ARHGEF16: variants seen among roughly 807,000 people sequenced by gnomAD.
ARHGEF16 encodes Rho guanine exchange factor (GEF) 16.
A neutral mutation model predicts 74.1 loss-of-function variants in ARHGEF16; 59 were observed. The ratio of observed to expected loss-of-function variants is 0.80; its 90% confidence interval spans 0.65 to 0.99. ARHGEF16 has a LOEUF of 0.99. ARHGEF16 is among the 50% of genes least tolerant of loss of function. The probability of loss-of-function intolerance (pLI) is 0.00; values close to 1 mark genes in which losing one functional copy is unlikely to be tolerated. For synonymous variants in ARHGEF16, 415 were observed against 412.6 expected, an observed-to-expected ratio of 1.01 and a Z score of -0.07; for missense variants, 948 against 986.6, an observed-to-expected ratio of 0.96 and a Z score of 0.52.
intron 1 of ARHGEF16, among the ~76,000 whole-genome samples, chr1:3,458,067 G>C (rs1318482609): frequency 6.6e-6 from 1 of 152,204 alleles, no homozygotes; most frequent in African/African-American, 2.4e-5. Flanking sequence ...CGGAACACCA[G>C]GGCCTCTCTG....
At chr1:3,478,308 G>T in intron 11 of ARHGEF16, 116 bp from the exon 12 acceptor site, 1 of 1,194,894 alleles carries the variant, frequency 8.4e-7, no homozygotes, top group Non-Finnish European at 1.2e-6. Flanking sequence ...CTTGGAGCCC[G>T]TCCGTGGCTG....
At position 3,468,581 on chromosome 1, in the gene ARHGEF16, C is replaced by T. The variant is rs1639613505; in HGVS notation, c.805-299C>T. On this transcript the variant is annotated intron_variant, in intron 4 of 14. Transcript: ENST00000378378. ...CCATCTGCCGGGAAGATCTGTGGGACAAGATCCCCCCCCGCCCTCTGGCCT... is the reference window on the plus strand; with the variant it reads ...CCATCTGCCGGGAAGATCTGTGGGATAAGATCCCCCCCCGCCCTCTGGCCT... The T allele has an allele frequency of 9.2e-6, 4 of 435,038 alleles. No homozygotes were observed. The South Asian group carries it at 9.3e-5, about 10-fold the overall frequency. The allele number at this position is 435,038 out of a possible 1,614,324, so 26.9% of individuals were successfully genotyped here.
At chr1:3,465,949 C>T (rs1447691022) in intron 2 of ARHGEF16, 199 bp from the exon 3 acceptor site, 10 of 601,534 alleles carry the variant, frequency 1.7e-5, no homozygotes, top group East Asian at 6.0e-5. Context: ...CCCTCAGTCA[C>T]GTGTCCTGCC....
chr1:3,461,009 G>A (rs953319071), intron 1 of ARHGEF16, among the ~76,000 whole-genome samples: 9 of 152,172 alleles, frequency 5.9e-5, no homozygotes, highest in Non-Finnish European at 4.4e-5. Context: ...TTGTGTGGCT[G>A]ACTGTAGGCA....
At position 3,469,417 on chromosome 1, in the gene ARHGEF16, A is replaced by T; in HGVS notation, c.862-16A>T. The T allele has an allele frequency of 6.2e-7, 1 of 1,612,440 alleles. No homozygotes were observed. The highest frequency in any genetic ancestry group is 8.5e-7 in the Non-Finnish European group (1 of 1,179,730). On this transcript the variant is annotated splice_polypyrimidine_tract_variant and intron_variant, in intron 5 of 14. Coordinates refer to ENST00000378378, the MANE Select transcript of ARHGEF16 (RefSeq NM_014448.4). ...TCCAGCGTCACTGTGGGGCTCACCT[A>T]GGCCCCTCTCCACAGGCCATGTTCG... is the stretch of plus-strand genomic sequence containing the variant.
rs531066135 is a variant in ARHGEF16, at chr1:3,480,165, G to GC, written c.1990+255dup. Among the ~76,000 whole-genome samples the GC allele has an allele frequency of 3.3e-5, 5 of 152,318 alleles. No individual in the cohort carries two copies. In the East Asian group the frequency reaches 7.7e-4, roughly 24 times the overall value. On this transcript the variant is annotated intron_variant, in intron 14 of 14. Coordinates refer to ENST00000378378, the MANE Select transcript of ARHGEF16 (RefSeq NM_014448.4). ...TCCCAGGGGATCCCCGCTCAGCCAG[G>GC]CCCAGCACGAGCCTGCAGAGGGCAG...
At chr1:3,455,497 C>T (rs1367890755) in intron 1 of ARHGEF16, among the ~76,000 whole-genome samples, 1 of 152,090 alleles carries the variant, frequency 6.6e-6, no homozygotes, top group African/African-American at 2.4e-5. Context: ...CAGCCTCTTT[C>T]TGCGTCTGTG....
chr1:3,476,948 G>A (rs1186668682), intron 10 of ARHGEF16, among the ~76,000 whole-genome samples: 2 of 152,064 alleles, frequency 1.3e-5, no homozygotes, highest in African/African-American at 2.4e-5. Flanking sequence ...TGATCCTCTC[G>A]AGTCTGGGGT....
chr1:3,456,969 C>T (rs902008895), intron 1 of ARHGEF16, among the ~76,000 whole-genome samples: 7 of 152,348 alleles, frequency 4.6e-5, no homozygotes, highest in African/African-American at 1.4e-4. Context: ...ATTTCCCTAC[C>T]GCAGCCCTAG....
At chr1:3,467,141 C>T in intron 3 of ARHGEF16, 27 bp from the exon 4 acceptor site, 9 of 1,540,766 alleles carry the variant, frequency 5.8e-6, no homozygotes, top group Non-Finnish European at 7.9e-6. Flanking sequence ...CCCCCAGGGC[C>T]ACAGGTTACC....
chr1:3,469,670 TCAG>T (rs1639650738), intron 6 of ARHGEF16, 77 bp downstream of exon 6: 1 of 1,567,898 alleles, frequency 6.4e-7, no homozygotes, highest in East Asian at 2.3e-5. Context: ...CGCACTGTCA[TCAG>T]CAGGCCCCTG....
At chr1:3,478,113 C>T in intron 11 of ARHGEF16, 87 bp downstream of exon 11, 13 of 1,555,282 alleles carry the variant, frequency 8.4e-6, no homozygotes, top group Middle Eastern at 1.7e-4. Flanking sequence ...AGGGAGTTGG[C>T]CCTGAGCCCC....
chr1:3,466,087 C>A (rs1431221791), intron 2 of ARHGEF16, 61 bp from the exon 3 acceptor site: 3 of 1,529,414 alleles, frequency 2.0e-6, no homozygotes, highest in Non-Finnish European at 2.7e-6. Flanking sequence ...AGGGCAGAAT[C>A]GCCGTGGGCA....
chr1:3,461,645 G>T (rs560480793), intron 1 of ARHGEF16, among the ~76,000 whole-genome samples: 3 of 152,202 alleles, frequency 2.0e-5, no homozygotes, highest in African/African-American at 7.2e-5. Flanking sequence ...GGGCCTGACC[G>T]CTGTGGCCGA....
At chr1:3,469,081 C>G in intron 5 of ARHGEF16, 145 bp downstream of exon 5, 1 of 1,060,350 alleles carries the variant, frequency 9.4e-7, no homozygotes, top group South Asian at 1.4e-5. Context: ...ACCAGCGCCT[C>G]ACACAGCCCC....
rs1248601424 is a variant in ARHGEF16, at chr1:3,454,732, CT to C, written c.-98del. 5.3e-5 allele frequency: 8 copies of C among 152,266 alleles called. No individual in the cohort carries two copies. In the East Asian group the frequency reaches 9.7e-4, roughly 18 times the overall value. The allele number at this position is 152,266 out of a possible 1,614,324, so 9.4% of individuals were successfully genotyped here. On this transcript the variant is annotated 5_prime_UTR_variant, in exon 1 of 15. Coordinates refer to ENST00000378378, the MANE Select transcript of ARHGEF16 (RefSeq NM_014448.4). ...CCGCGCTGCCGCAGGAGCGAAGCGG[CT>C]GCAGGACAGGACAGGACCCGGCGCT...
Position 3,463,197 on chromosome 1 carries a change from T to TC in ARHGEF16, c.115dup (p.Arg39ProfsTer7). 1 of 1,542,850 alleles carries TC rather than the reference T, an allele frequency of 6.5e-7. No individual in the cohort carries two copies. The highest frequency in any genetic ancestry group is 8.8e-7 in the Non-Finnish European group (1 of 1,141,552). Reference sequence around the variant, plus strand: ...AACCCAGCCTCCGGGCTCCCAATGGTCCGTGGCTCCCCGCGTGTTAGAGAC... The same window carrying TC: ...AACCCAGCCTCCGGGCTCCCAATGGTCCCGTGGCTCCCCGCGTGTTAGAGAC... On this transcript the variant is annotated frameshift_variant, in exon 2 of 15. Transcript: ENST00000378378. LOFTEE classifies it high-confidence loss of function.
At chr1:3,469,665 T>G (rs1639650577) in intron 6 of ARHGEF16, 72 bp downstream of exon 6, 2 of 1,579,384 alleles carry the variant, frequency 1.3e-6, no homozygotes, top group African/African-American at 1.3e-5. Context: ...GGCACCGCAC[T>G]GTCATCAGCA....
At chr1:3,468,983 T>C (rs1443984925) in intron 5 of ARHGEF16, 47 bp downstream of exon 5, 1 of 1,546,814 alleles carries the variant, frequency 6.5e-7, no homozygotes, top group Non-Finnish European at 8.7e-7. Context: ...GCCTGGGCCA[T>C]GCAACACCCG....
Sources: allele counts gnomAD v4.1 joint callset (sites outside exome capture counted in the v4.1 genomes callset), GRCh38; gene constraint gnomAD v4.1.1; transcripts MANE v1.5; gene names NCBI Gene and HGNC (gene_info 2026-07-23, HGNC 2026-07-21).